ZNF555: variants seen among roughly 807,000 people sequenced by gnomAD.
ZNF555 encodes zinc finger protein 555.
Under a neutral mutation model 14.0 loss-of-function variants are expected in ZNF555, and 10 were observed. The observed-to-expected ratio is 0.72, with a 90% CI of 0.44 to 1.21. The LOEUF (loss-of-function observed/expected upper bound fraction) is 1.21. Among genes scored for constraint, ZNF555 ranks in the 50% most tolerant of loss-of-function variants. The pLI is 0.00. For synonymous variants in ZNF555, 277 were observed against 262.4 expected, an observed-to-expected ratio of 1.06 and a Z score of -0.54; for missense variants, 747 against 762.0, an observed-to-expected ratio of 0.98 and a Z score of 0.23.
In ZNF555 at chr19:2,853,874, A is replaced by G; in HGVS notation, c.1809A>G (p.Glu603=). 1 of 1,614,104 alleles carries G rather than the reference A, an allele frequency of 6.2e-7. No homozygotes were observed. Among genetic ancestry groups the G allele is most frequent in the African/African-American group, 1.3e-5 (1 of 75,062 alleles). The change falls in exon 4 of 4, where the codon GAA becomes GAG. Residue 603 remains glutamate (E), a synonymous_variant. Transcript: ENST00000334241. ...KCNVGHPPAN[E]FMCSASEKSH... ...ATGTAGGACATCCTCCTGCAAATGA[A>G]TTCATGTGCAGTGCTTCAGAAAAGT...
rs762517328 is a variant in ZNF555, at chr19:2,859,284, G to C, written c.*5332G>C. On this transcript the variant is annotated 3_prime_UTR_variant, in exon 4 of 4. Transcript: ENST00000334241. ...CATCAAGAGTGGTACTGGAAGTGGCGGAAGCTCTCCTCTTGCCCTCTTCAG... is the reference window on the plus strand; with the variant it reads ...CATCAAGAGTGGTACTGGAAGTGGCCGAAGCTCTCCTCTTGCCCTCTTCAG... 6.6e-6 allele frequency: 1 copy of C among 152,264 alleles called. No individual in the cohort carries two copies. Among genetic ancestry groups the C allele is most frequent in the African/African-American group, 2.4e-5 (1 of 41,448 alleles). The allele number at this position is 152,264 out of a possible 1,614,324, so 9.4% of individuals were successfully genotyped here. A position where few individuals can be genotyped will look rare whatever the true frequency, so the allele number is the denominator to read the frequency against.
chr19:2,848,242 C>T (rs1422715766), intron 1 of ZNF555, among the ~76,000 whole-genome samples: 1 of 151,858 alleles, frequency 6.6e-6, no homozygotes, highest in Non-Finnish European at 1.5e-5. Flanking sequence ...AGCTCCGCCT[C>T]CCGGGTTCAC....
Position 2,851,485 on chromosome 19 carries a change from A to C in ZNF555, c.148A>C (p.Lys50Gln). 1.3e-6 allele frequency: 2 copies of C among 1,582,098 alleles called. No homozygotes were observed. The highest frequency in any genetic ancestry group is 1.7e-6 in the Non-Finnish European group (2 of 1,169,596). Residue 50 changes from lysine (K) to glutamine (Q), a missense_variant, in exon 3 of 4, where the codon AAG becomes CAG. Coordinates refer to ENST00000334241, the MANE Select transcript of ZNF555 (RefSeq NM_152791.5). Reference sequence around the variant, plus strand: ...GGTTTCAGATGATGAAACTCAATTTAAGGCCAGTGGGTCAGTTTCTCAGCA... The same window carrying C: ...GGTTTCAGATGATGAAACTCAATTTCAGGCCAGTGGGTCAGTTTCTCAGCA... ...LASVDDETQF[K>Q]ASGSVSQQDI...
At chr19:2,845,033 G>C (rs1487413611) in intron 1 of ZNF555, among the ~76,000 whole-genome samples, 2 of 152,196 alleles carry the variant, frequency 1.3e-5, no homozygotes, top group Admixed American at 1.3e-4. Context: ...AATATTGCAT[G>C]ATGCTGAGAT....
chr19:2,852,504 A>C lies in ZNF555; in HGVS notation c.439A>C (p.Thr147Pro). ...PPGVKQYEYN[T>P]YGKVFMHRRT... Reference sequence around the variant, plus strand: ...TGGAGTAAAACAGTATGAATACAACACGTACGGAAAAGTCTTCATGCATCG... The same window carrying C: ...TGGAGTAAAACAGTATGAATACAACCCGTACGGAAAAGTCTTCATGCATCG... The change falls in exon 4 of 4, where the codon ACG becomes CCG. Residue 147 changes from threonine (T) to proline (P), a missense_variant. Thr to Pro is a conservative substitution (Grantham distance 38). Coordinates refer to ENST00000334241, the MANE Select transcript of ZNF555 (RefSeq NM_152791.5). 6.2e-7 allele frequency: 1 copy of C among 1,614,050 alleles called. No individual in the cohort carries two copies. Among genetic ancestry groups the C allele is most frequent in the South Asian group, 1.1e-5 (1 of 91,080 alleles).
rs964387513 is a variant in ZNF555, at chr19:2,859,563, C to T, written c.*5611C>T. ...ACCAGTGATGTCCTAACTGAGCTCC[C>T]TGGGTCTGGTAGTGAGGAGCTCAGT... On this transcript the variant is annotated 3_prime_UTR_variant, in exon 4 of 4. Transcript: ENST00000334241. 13 of 152,260 alleles carry T rather than the reference C, an allele frequency of 8.5e-5. No individual in the cohort carries two copies. Among genetic ancestry groups the T allele is most frequent in the Admixed American group, 2.6e-4 (4 of 15,276 alleles). 9.4% of individuals were successfully genotyped at this position (152,260 alleles called of 1,614,324 possible).
Position 2,854,539 on chromosome 19 carries a change from T to C in ZNF555, c.*587T>C, listed in dbSNP as rs967889699. The C allele has an allele frequency of 1.3e-5, 2 of 153,560 alleles. No individual in the cohort carries two copies. Among genetic ancestry groups the C allele is most frequent in the Non-Finnish European group, 2.9e-5 (2 of 68,920 alleles). 9.5% of individuals were successfully genotyped at this position (153,560 alleles called of 1,614,324 possible). A position where few individuals can be genotyped will look rare whatever the true frequency, so the allele number is the denominator to read the frequency against. On this transcript the variant is annotated 3_prime_UTR_variant, in exon 4 of 4. Transcript: ENST00000334241. ...CATTTGCTGGAATGCATTTCCTTTATGGTTCCATGTCCAAATTTACCAATA... is the reference window on the plus strand; with the variant it reads ...CATTTGCTGGAATGCATTTCCTTTACGGTTCCATGTCCAAATTTACCAATA...
intron 1 of ZNF555, among the ~76,000 whole-genome samples, chr19:2,849,382 CT>C (rs1434322597): frequency 2.0e-5 from 3 of 151,676 alleles, no homozygotes; most frequent in African/African-American, 7.3e-5. Context: ...TTGTCTATGT[CT>C]TTTATAACCA....
rs147914800 is a variant in ZNF555 at position 2,851,598 on chromosome 19, T to C, written c.261T>C (p.Ile87=). 3.7e-6 allele frequency: 6 copies of C among 1,611,334 alleles called. No individual in the cohort carries two copies. The highest frequency in any genetic ancestry group is 2.7e-5 in the African/African-American group (2 of 74,876). The change falls in exon 3 of 4, where the codon ATT becomes ATC. Residue 87 remains isoleucine, a synonymous_variant. Transcript: ENST00000334241. The part of the protein sequence containing the change: ...NVSWASVLGK[I]WDSLSIEDQT... ...CCTGGGCCTCTGTTTTAGGAAAAAT[T>C]TGGGACAGTCTTAGCATCGAAGATC...
chr19:2,842,805 G>A (rs943702738), intron 1 of ZNF555, among the ~76,000 whole-genome samples: 1 of 152,218 alleles, frequency 6.6e-6, no homozygotes, highest in Non-Finnish European at 1.5e-5. Flanking sequence ...CACTGTGACA[G>A]GCCGAGGGGA....
Position 2,852,462 on chromosome 19 carries a change from T to C in ZNF555, c.397T>C (p.Tyr133His). 6.2e-7 allele frequency: 1 copy of C among 1,614,162 alleles called. No homozygotes were observed. The highest frequency in any genetic ancestry group is 1.1e-5 in the South Asian group (1 of 91,090). ...CAGCCAGATTCCACATCTTAATCTG[T>C]ACAAGAAAATTCCACCTGGAGTAAA... The part of the protein sequence containing the change: ...ALSQIPHLNL[Y>H]KKIPPGVKQY... The change falls in exon 4 of 4, where the codon TAC becomes CAC. Residue 133 changes from tyrosine to histidine, a missense_variant. Transcript: ENST00000334241.
intron 1 of ZNF555, among the ~76,000 whole-genome samples, chr19:2,845,731 T>C (rs2087577085): frequency 1.3e-5 from 2 of 152,188 alleles, no homozygotes; most frequent in Non-Finnish European, 2.9e-5. Flanking sequence ...TTTTTTCATA[T>C]GCTTGGACCA....
At chr19:2,848,589 C>T (rs1477673355) in intron 1 of ZNF555, among the ~76,000 whole-genome samples, 1 of 152,096 alleles carries the variant, frequency 6.6e-6, no homozygotes, top group African/African-American at 2.4e-5. Context: ...GCTGGGATTA[C>T]AGGCACGTGC....
rs1018307387 is a variant in ZNF555 at position 2,854,412 on chromosome 19, T to G, written c.*460T>G. The G allele has an allele frequency of 1.7e-5, 3 of 174,980 alleles. No individual in the cohort carries two copies. In the East Asian group the frequency reaches 5.4e-4, roughly 31 times the overall value. 10.8% of individuals were successfully genotyped at this position (174,980 alleles called of 1,614,324 possible). On this transcript the variant is annotated 3_prime_UTR_variant, in exon 4 of 4. Transcript: ENST00000334241. ...ATTGCTGTTTGTCTTTGCTTGTGAT[T>G]GTGAATTGGACAGTAGGCTTTGACT... is the stretch of plus-strand genomic sequence containing the variant.
rs139670291 is a variant in ZNF555, at chr19:2,853,840, A to G, written c.1775A>G (p.Tyr592Cys). The change falls in exon 4 of 4, where the codon TAT becomes TGT. Residue 592 changes from tyrosine to cysteine, a missense_variant. Coordinates refer to ENST00000334241, the MANE Select transcript of ZNF555 (RefSeq NM_152791.5). ...HVRIHTTEKQ[Y>C]KCNVGHPPAN... ...AGAATACACACTACAGAAAAACAGT[A>G]TAAGTGTAATGTAGGACATCCTCCT... 140 of 1,614,048 alleles carry G rather than the reference A, an allele frequency of 8.7e-5. No individual in the cohort carries two copies. In the South Asian group the frequency reaches 1.1e-3, roughly 13 times the overall value.
chr19:2,852,698 T>C lies in ZNF555; in HGVS notation c.633T>C (p.Arg211=). 6.2e-7 allele frequency: 1 copy of C among 1,614,224 alleles called. No homozygotes were observed. The highest frequency in any genetic ancestry group is 8.5e-7 in the Non-Finnish European group (1 of 1,180,042). The change falls in exon 4 of 4, where the codon CGT becomes CGC. Residue 211 remains arginine, a synonymous_variant. Transcript: ENST00000334241. ...VCKLCGKTFP[R]TSSLNRHVRI... Reference sequence around the variant, plus strand: ...AATTATGTGGGAAAACCTTTCCTCGTACTTCCTCCCTCAATCGGCATGTAA... The same window carrying C: ...AATTATGTGGGAAAACCTTTCCTCGCACTTCCTCCCTCAATCGGCATGTAA...
rs2087718042 is a variant in ZNF555 at position 2,859,927 on chromosome 19, G to A, written c.*5975G>A. The A allele has an allele frequency of 6.6e-6, 1 of 152,222 alleles. No homozygotes were observed. The highest frequency in any genetic ancestry group is 1.5e-5 in the Non-Finnish European group (1 of 68,068). 9.4% of individuals were successfully genotyped at this position (152,222 alleles called of 1,614,324 possible). A position where few individuals can be genotyped will look rare whatever the true frequency, so the allele number is the denominator to read the frequency against. On this transcript the variant is annotated 3_prime_UTR_variant, in exon 4 of 4. Coordinates refer to ENST00000334241, the MANE Select transcript of ZNF555 (RefSeq NM_152791.5). ...TTCTTGATGTTCTTCTGTGTAACAG[G>A]TGATGTCCTAGGTGCTGCAGTGAAC...
In ZNF555 at chr19:2,850,711, T is replaced by C. The variant is rs1439231772; in HGVS notation, c.128T>C (p.Val43Ala). ...MLETFQNLAS[V>A]DDETQFKASG... ...GAGACCTTTCAGAACCTGGCCTCAG[T>C]AGGTAAGGATGACATCATTCCTTCC... is the stretch of plus-strand genomic sequence containing the variant. Residue 43 changes from valine to alanine, a missense_variant and splice_region_variant, in exon 2 of 4, where the codon GTA becomes GCA. By Grantham distance (64) the Val-to-Ala change is moderately conservative. Transcript: ENST00000334241. 1.2e-6 allele frequency: 2 copies of C among 1,613,226 alleles called. No individual in the cohort carries two copies. The highest frequency in any genetic ancestry group is 2.7e-5 in the African/African-American group (2 of 74,900).
In ZNF555 at chr19:2,858,795, C is replaced by T. The variant is rs1208354560; in HGVS notation, c.*4843C>T. ...ACGGTGTCAACATCTCCCATGACAT[C>T]ACAAAGATGCCCAGCTGGGACCCAC... On this transcript the variant is annotated 3_prime_UTR_variant, in exon 4 of 4. Transcript: ENST00000334241. 6.6e-6 allele frequency: 1 copy of T among 152,328 alleles called. No homozygotes were observed. Among genetic ancestry groups the T allele is most frequent in the African/African-American group, 2.4e-5 (1 of 41,448 alleles). 9.4% of individuals were successfully genotyped at this position (152,328 alleles called of 1,614,324 possible). A position where few individuals can be genotyped will look rare whatever the true frequency, so the allele number is the denominator to read the frequency against.
Sources: allele counts gnomAD v4.1 joint callset (sites outside exome capture counted in the v4.1 genomes callset), GRCh38; gene constraint gnomAD v4.1.1; transcripts MANE v1.5; gene names NCBI Gene and HGNC (gene_info 2026-07-23, HGNC 2026-07-21).